ARHGEF7: variants seen among roughly 807,000 people sequenced by gnomAD.
ARHGEF7 encodes the protein Rho guanine nucleotide exchange factor 7.
ARHGEF7 carries 33 observed loss-of-function variants against 109.8 expected under a neutral mutation model. The ratio of observed to expected loss-of-function variants is 0.30; its 90% CI spans 0.23 to 0.40. The LOEUF (loss-of-function observed/expected upper bound fraction) is 0.40, where lower values mean the gene tolerates loss of function less well. Among genes scored for constraint, ARHGEF7 ranks in the 10% least tolerant of loss-of-function variants. ARHGEF7 has a pLI of 1.00. For missense variants in ARHGEF7, 938 were observed against 1,098.5 expected, an observed-to-expected ratio of 0.85 and a Z score of 2.07; for synonymous variants, 458 against 424.6, an observed-to-expected ratio of 1.08 and a Z score of -0.97.
chr13:111,298,007 T>C (rs2093464449), intron 19 of ARHGEF7, among the ~76,000 whole-genome samples: 1 of 152,250 alleles, frequency 6.6e-6, no homozygotes, highest in Non-Finnish European at 1.5e-5. Flanking sequence ...GATGCTTTTG[T>C]GAATTTGACT....
At chr13:111,231,230 C>T (rs565887422) in intron 5 of ARHGEF7, among the ~76,000 whole-genome samples, 59 of 152,260 alleles carry the variant, frequency 3.9e-4, no homozygotes, top group African/African-American at 1.3e-3. Flanking sequence ...CAGATGAAAA[C>T]ATTTCATAGT....
chr13:111,188,440 C>G (rs1203709847), intron 2 of ARHGEF7, among the ~76,000 whole-genome samples: 1 of 152,190 alleles, frequency 6.6e-6, no homozygotes, highest in East Asian at 1.9e-4. Context: ...AAGGGTGGAG[C>G]CAAGTGCATG....
rs2092432389 is a variant in ARHGEF7 at position 111,275,659 on chromosome 13, T to G, written c.1400T>G (p.Ile467Ser). 1 of 1,614,144 alleles carries G rather than the reference T, an allele frequency of 6.2e-7. No homozygotes were observed. The highest frequency in any genetic ancestry group is 8.5e-7 in the Non-Finnish European group (1 of 1,180,014). ...GTCACTTACATGTCCCAGGTCCTGA[T>G]TCAGTGTGCCGGAAGTGAGGTACTG... ...GNVTYMSQVL[I>S]QCAGSEEKNE... The change falls in exon 12 of 22, where the codon ATT becomes AGT. Residue 467 changes from isoleucine to serine, a missense_variant. Physicochemically the swap from Ile to Ser is moderately radical, Grantham distance 142 (BLOSUM62 -2). Coordinates refer to ENST00000646102, the MANE Select transcript of ARHGEF7 (RefSeq NM_001354046.2).
intron 1 of ARHGEF7, chr13:111,116,585 C>T (rs1226602888): frequency 1.3e-5 from 2 of 150,950 alleles, no homozygotes; most frequent in African/African-American, 4.9e-5. Context: ...GTGGGGGTGG[C>T]CAATATATAG....
At chr13:111,155,200 A>G (rs1388758281) in intron 2 of ARHGEF7, among the ~76,000 whole-genome samples, 2 of 152,176 alleles carry the variant, frequency 1.3e-5, no homozygotes, top group Non-Finnish European at 1.5e-5. Context: ...ATAAAAAGGG[A>G]CAACTGTATA....
In ARHGEF7 at chr13:111,267,590, C is replaced by A; in HGVS notation, c.993C>A (p.Asn331Lys). Residue 331 changes from asparagine (N) to lysine (K), a missense_variant, in exon 9 of 22, where the codon AAC (asparagine) becomes AAA (lysine). By Grantham distance (94) the Asn-to-Lys change is moderately conservative. Transcript: ENST00000646102. Reference sequence around the variant, plus strand: ...AGAGAGTCGGAGGCTGCTTTTTAAACCTGATGCCACAGATGAAAACCCTGT... The same window carrying A: ...AGAGAGTCGGAGGCTGCTTTTTAAAACTGATGCCACAGATGAAAACCCTGT... ...AQQRVGGCFL[N>K]LMPQMKTLYL... 1 of 1,614,108 alleles carries A rather than the reference C, an allele frequency of 6.2e-7. No homozygotes were observed. The highest frequency in any genetic ancestry group is 8.5e-7 in the Non-Finnish European group (1 of 1,179,968).
chr13:111,130,489 A>C (rs1394801308), intron 1 of ARHGEF7, among the ~76,000 whole-genome samples: 7 of 152,210 alleles, frequency 4.6e-5, no homozygotes, highest in Non-Finnish European at 1.0e-4. Context: ...TAGAATTTTA[A>C]TGTGCAATGG....
intron 2 of ARHGEF7, among the ~76,000 whole-genome samples, chr13:111,191,114 T>C (rs565256149): frequency 6.6e-6 from 1 of 152,196 alleles, no homozygotes; most frequent in African/African-American, 2.4e-5. Flanking sequence ...AGGGAGTATG[T>C]TTGCCATTAC....
chr13:111,150,317 G>T (rs1455238131), intron 1 of ARHGEF7, among the ~76,000 whole-genome samples: 1 of 152,216 alleles, frequency 6.6e-6, no homozygotes, highest in Non-Finnish European at 1.5e-5. Context: ...TATTTTGGCT[G>T]CTGTGAGAAG....
rs1006986774 is a variant in ARHGEF7 at position 111,200,236 on chromosome 13, C to T, written c.253-5053C>T. On this transcript the variant is annotated intron_variant, in intron 2 of 21. Coordinates refer to ENST00000646102, the MANE Select transcript of ARHGEF7 (RefSeq NM_001354046.2). ...CCTGCTGCATCCTTCATTTTCCTCC[C>T]GGTCATCTCCAAGCCGAGCCTCCTT... Among the ~76,000 whole-genome samples the T allele has an allele frequency of 6.6e-5, 10 of 152,124 alleles. No homozygotes were observed. The South Asian group carries it at 1.5e-3, about 22-fold the overall frequency.
intron 1 of ARHGEF7, among the ~76,000 whole-genome samples, chr13:111,118,712 GA>G (rs1207484710): frequency 6.6e-5 from 10 of 152,316 alleles, no homozygotes; most frequent in Admixed American, 3.3e-4. Context: ...GTAGAGGATG[GA>G]AAATTTCTAT....
intron 2 of ARHGEF7, among the ~76,000 whole-genome samples, chr13:111,192,159 T>C (rs985033329): frequency 1.3e-5 from 2 of 152,288 alleles, no homozygotes; most frequent in South Asian, 4.2e-4. Flanking sequence ...TGGCTGATCT[T>C]GGGACTCCTG....
At chr13:111,270,119 G>C (rs1197403640) in intron 9 of ARHGEF7, among the ~76,000 whole-genome samples, 1 of 152,256 alleles carries the variant, frequency 6.6e-6, no homozygotes, top group Non-Finnish European at 1.5e-5. Context: ...TAGCAGCTCA[G>C]ACCTTCTGCA....
intron 4 of ARHGEF7, among the ~76,000 whole-genome samples, chr13:111,210,849 G>A (rs1449457179): frequency 2.0e-5 from 3 of 152,196 alleles, no homozygotes; most frequent in African/African-American, 7.2e-5. Context: ...GAGTCATGAA[G>A]GGTCCATGGA....
intron 2 of ARHGEF7, among the ~76,000 whole-genome samples, chr13:111,187,442 T>C (rs1198882746): frequency 6.6e-6 from 1 of 152,200 alleles, no homozygotes; most frequent in African/African-American, 2.4e-5. Context: ...AGCCTTCCGG[T>C]TCTGAGCTTG....
intron 2 of ARHGEF7, 146 bp from the exon 3 acceptor site, chr13:111,205,143 A>T (rs1392020616): frequency 3.4e-6 from 2 of 587,822 alleles, no homozygotes; most frequent in East Asian, 3.2e-5. Flanking sequence ...GGACTGAGAG[A>T]CTGAGCGTGC....
At chr13:111,118,991 G>A (rs1482379963) in intron 1 of ARHGEF7, among the ~76,000 whole-genome samples, 1 of 152,110 alleles carries the variant, frequency 6.6e-6, no homozygotes, top group Non-Finnish European at 1.5e-5. Context: ...GGAGGCATTT[G>A]TCTCTCAGCT....
chr13:111,170,922 G>A (rs982132337), intron 2 of ARHGEF7, among the ~76,000 whole-genome samples: 1 of 152,136 alleles, frequency 6.6e-6, no homozygotes, highest in Non-Finnish European at 1.5e-5. Context: ...AAGCAGCAGT[G>A]GTTATCTTTA....
At chr13:111,229,267 A>G (rs889353076) in intron 5 of ARHGEF7, among the ~76,000 whole-genome samples, 2 of 151,868 alleles carry the variant, frequency 1.3e-5, no homozygotes, top group Non-Finnish European at 2.9e-5. Context: ...ATCTTACTAG[A>G]TGTCTTATTT....
Sources: gnomAD v4.1 joint callset for allele counts (sites outside exome capture counted in the v4.1 genomes callset) on GRCh38, gnomAD v4.1.1 for gene constraint, MANE v1.5 for transcripts, NCBI Gene and HGNC (gene_info 2026-07-23, HGNC 2026-07-21) for gene names.